CSMD1: variants seen among roughly 807,000 people sequenced by gnomAD.
The protein encoded by CSMD1 is CUB and sushi domain-containing protein 1.
In CSMD1, 213 loss-of-function variants were observed where a neutral mutation model predicts 417.5. That is an observed-to-expected ratio of 0.51 (90% CI 0.46 to 0.57). The LOEUF (loss-of-function observed/expected upper bound fraction) is 0.57. Ranked by LOEUF, CSMD1 falls within the 20% of genes least tolerant of loss-of-function variation. The pLI, the probability that CSMD1 is intolerant of heterozygous loss-of-function variation, is 0.00. For missense variants in CSMD1, 6,923 were observed against 4,529.7 expected (o/e 1.53, Z -15.17); for synonymous variants, 2,862 against 1,736.8 (o/e 1.65, Z -16.11).
chr8:3,909,434 G>A (rs1268477103), intron 5 of CSMD1, among the ~76,000 whole-genome samples: 1 of 152,130 alleles, frequency 6.6e-6, no homozygotes, highest in Non-Finnish European at 1.5e-5. Context: ...AGGATACGCA[G>A]AAAAAGGCAG....
At chr8:4,353,048 G>A (rs1037008963) in intron 3 of CSMD1, among the ~76,000 whole-genome samples, 2 of 152,158 alleles carry the variant, frequency 1.3e-5, no homozygotes, top group Non-Finnish European at 1.5e-5. Context: ...ATATTAGATT[G>A]TAGAAAGAGT....
At chr8:3,598,893 C>G (rs755875415) in intron 8 of CSMD1, among the ~76,000 whole-genome samples, 1 of 151,956 alleles carries the variant, frequency 6.6e-6, no homozygotes, top group African/African-American at 2.4e-5. Flanking sequence ...CCAGTCTGAC[C>G]AACATAATGA....
chr8:3,537,254 T>G (rs1434306112), intron 10 of CSMD1, among the ~76,000 whole-genome samples: 1 of 152,148 alleles, frequency 6.6e-6, no homozygotes, highest in Non-Finnish European at 1.5e-5. Flanking sequence ...CCACCTGCCT[T>G]GGCCTCCCAA....
intron 20 of CSMD1, among the ~76,000 whole-genome samples, chr8:3,366,333 T>C (rs969346687): frequency 6.6e-6 from 1 of 152,098 alleles, no homozygotes; most frequent in African/African-American, 2.4e-5. Context: ...ACCAAGTTTA[T>C]CTCTCACATG....
At chr8:4,982,670 T>A (rs900037053) in intron 1 of CSMD1, among the ~76,000 whole-genome samples, 1 of 152,222 alleles carries the variant, frequency 6.6e-6, no homozygotes, top group Non-Finnish European at 1.5e-5. Flanking sequence ...TATTTTTATA[T>A]GGACTCTTTT....
chr8:4,258,172 T>C (rs1051701263), intron 3 of CSMD1, among the ~76,000 whole-genome samples: 2 of 150,390 alleles, frequency 1.3e-5, no homozygotes, highest in African/African-American at 4.9e-5. Flanking sequence ...CTCAAACTCC[T>C]GGCCTCAAGC....
intron 2 of CSMD1, among the ~76,000 whole-genome samples, chr8:4,535,015 C>T (rs1364563887): frequency 6.6e-6 from 1 of 152,162 alleles, no homozygotes; most frequent in Admixed American, 6.5e-5. Flanking sequence ...CCTGCCTCAG[C>T]CTCCCAAAGT....
intron 5 of CSMD1, among the ~76,000 whole-genome samples, chr8:3,786,613 G>A (rs78234036): frequency 6.6e-6 from 1 of 152,114 alleles, no homozygotes; most frequent in Non-Finnish European, 1.5e-5. Flanking sequence ...TCTCAGCAAA[G>A]CAGTTGCTTA....
intron 2 of CSMD1, among the ~76,000 whole-genome samples, chr8:4,484,084 G>T (rs1223446985): frequency 6.6e-6 from 1 of 152,028 alleles, no homozygotes; most frequent in Admixed American, 6.5e-5. Flanking sequence ...CAAAATGAAA[G>T]GGTGTCTGTT....
At chr8:4,614,626 CG>C (rs1801373115) in intron 2 of CSMD1, among the ~76,000 whole-genome samples, 1 of 152,090 alleles carries the variant, frequency 6.6e-6, no homozygotes, top group Admixed American at 6.5e-5. Context: ...CACACACACA[CG>C]TACACGTACA....
chr8:3,968,233 A>G (rs1408673258), intron 5 of CSMD1, among the ~76,000 whole-genome samples: 1 of 151,896 alleles, frequency 6.6e-6, no homozygotes, highest in Admixed American at 6.6e-5. Context: ...AATGTGCCAT[A>G]ATCATATTTC....
intron 2 of CSMD1, among the ~76,000 whole-genome samples, chr8:4,464,730 G>A (rs966089431): frequency 6.6e-6 from 1 of 152,112 alleles, no homozygotes; most frequent in South Asian, 2.1e-4. Flanking sequence ...ACACTGATTG[G>A]ATCATCAGCA....
intron 5 of CSMD1, among the ~76,000 whole-genome samples, chr8:3,832,310 C>T (rs944079246): frequency 3.3e-5 from 5 of 152,242 alleles, no homozygotes; most frequent in African/African-American, 9.6e-5. Context: ...ACCGTTAAAA[C>T]GCAATGATGT....
At chr8:3,372,377 C>T (rs1203351010) in intron 18 of CSMD1, among the ~76,000 whole-genome samples, 1 of 152,002 alleles carries the variant, frequency 6.6e-6, no homozygotes. Flanking sequence ...CACTGGATGG[C>T]CCTGCCTAGA....
chr8:4,110,635 C>CTTGTG (rs951742469), intron 3 of CSMD1, among the ~76,000 whole-genome samples: 30 of 5,084 alleles, frequency 5.9e-3, no homozygotes, highest in African/African-American at 8.9e-3. Context: ...CTGATATATA[C>CTTGTG]AGGTGTGTGT....
chr8:3,859,932 A>G (rs1354701563), intron 5 of CSMD1, among the ~76,000 whole-genome samples: 2 of 152,162 alleles, frequency 1.3e-5, no homozygotes, highest in Non-Finnish European at 1.5e-5. Context: ...CATGAGTGTA[A>G]TAGCTTTTCA....
chr8:3,813,951 T>C (rs1251875965), intron 5 of CSMD1, among the ~76,000 whole-genome samples: 1 of 152,196 alleles, frequency 6.6e-6, no homozygotes, highest in East Asian at 1.9e-4. Flanking sequence ...TTCTGAGAAA[T>C]GTAAGACCCT....
intron 5 of CSMD1, among the ~76,000 whole-genome samples, chr8:3,991,314 T>C (rs1814728650): frequency 6.6e-6 from 1 of 152,190 alleles, no homozygotes; most frequent in African/African-American, 2.4e-5. Context: ...AGGGTGGAGG[T>C]ACCTAGGTTG....
chr8:3,272,935 C>T (rs1425953835), intron 26 of CSMD1, among the ~76,000 whole-genome samples: 5 of 149,314 alleles, frequency 3.3e-5, no homozygotes, highest in African/African-American at 1.2e-4. Flanking sequence ...CCTTCTCCTG[C>T]CTAATTGCCC....
Sources: gnomAD v4.1 joint callset for allele counts (sites outside exome capture counted in the v4.1 genomes callset) on GRCh38, gnomAD v4.1.1 for gene constraint, MANE v1.5 for transcripts, NCBI Gene and HGNC (gene_info 2026-07-23, HGNC 2026-07-21) for gene names.